The following ROR2 variants were observed in gnomAD, a reference collection of about 807,000 sequenced individuals.
ROR2 encodes ROR family WNT receptor 2.
In ROR2, 33 loss-of-function variants were observed where a neutral mutation model predicts 74.9. The observed-to-expected ratio is 0.44, with a 90% confidence interval of 0.33 to 0.59. The LOEUF (loss-of-function observed/expected upper bound fraction) is 0.59. Among genes scored for constraint, ROR2 ranks in the 20% least tolerant of loss-of-function variants. The probability of loss-of-function intolerance (pLI) is 0.02; values close to 1 mark genes in which losing one functional copy is unlikely to be tolerated. For missense variants in ROR2, 1,216 were observed against 1,313.8 expected (o/e 0.93, Z 1.15); for synonymous variants, 586 against 558.7 (o/e 1.05, Z -0.69).
intron 1 of ROR2, among the ~76,000 whole-genome samples, chr9:91,924,589 C>G (rs1831349877): frequency 6.6e-6 from 1 of 152,104 alleles, no homozygotes; most frequent in Admixed American, 6.5e-5. Context: ...GTCAGGAGAT[C>G]GAGACCATCC....
intron 1 of ROR2, among the ~76,000 whole-genome samples, chr9:91,881,486 A>C (rs1830109481): frequency 6.6e-6 from 1 of 152,230 alleles, no homozygotes; most frequent in Admixed American, 6.5e-5. Context: ...TTTGTTATAC[A>C]GTATGTCATT....
At position 91,868,712 on chromosome 9, in the gene ROR2, A is replaced by G. The variant is rs373825885; in HGVS notation, c.97+81155T>C. Among the ~76,000 whole-genome samples the G allele has an allele frequency of 1.3e-4, 20 of 152,356 alleles. No homozygotes were observed. The South Asian group carries it at 4.1e-3, about 32-fold the overall frequency. ...ACAGACAATCAACCCAGAATTCTATACCCAGTGAAAACATCACTAAGGGAT... is the reference window on the plus strand; with the variant it reads ...ACAGACAATCAACCCAGAATTCTATGCCCAGTGAAAACATCACTAAGGGAT... On this transcript the variant is annotated intron_variant, in intron 1 of 8. Transcript: ENST00000375708.
chr9:91,949,072 G>A (rs1005226461), intron 1 of ROR2, among the ~76,000 whole-genome samples: 24 of 151,728 alleles, frequency 1.6e-4, no homozygotes, highest in Non-Finnish European at 3.4e-4. Flanking sequence ...CCACCTAGGA[G>A]CCGGGCCCCG....
At chr9:91,772,468 C>A (rs774485857) in intron 2 of ROR2, among the ~76,000 whole-genome samples, 1 of 152,174 alleles carries the variant, frequency 6.6e-6, no homozygotes, top group Non-Finnish European at 1.5e-5. Flanking sequence ...AAGGGTGAAG[C>A]CACCATTTAT....
At chr9:91,938,440 A>G (rs751540490) in intron 1 of ROR2, among the ~76,000 whole-genome samples, 14 of 152,230 alleles carry the variant, frequency 9.2e-5, no homozygotes, top group Non-Finnish European at 1.8e-4. Flanking sequence ...CCTGGGTGAC[A>G]GAGTGACACT....
intron 4 of ROR2, among the ~76,000 whole-genome samples, chr9:91,752,270 A>G (rs930325854): frequency 2.0e-5 from 3 of 152,226 alleles, no homozygotes; most frequent in African/African-American, 4.8e-5. Flanking sequence ...ATGTCCACAA[A>G]AAGTATAGAG....
intron 2 of ROR2, among the ~76,000 whole-genome samples, chr9:91,770,458 A>T (rs1826193317): frequency 6.6e-6 from 1 of 152,082 alleles, no homozygotes; most frequent in Admixed American, 6.5e-5. Context: ...GAGCACACCC[A>T]CTCCAGGGAG....
intron 1 of ROR2, among the ~76,000 whole-genome samples, chr9:91,808,806 T>C (rs1010043148): frequency 2.6e-4 from 37 of 141,472 alleles, no homozygotes; most frequent in African/African-American, 9.0e-4. Context: ...AATATACATA[T>C]TTTTTTTTAC....
intron 1 of ROR2, among the ~76,000 whole-genome samples, chr9:91,799,850 G>A (rs1827314409): frequency 6.6e-6 from 1 of 152,166 alleles, no homozygotes. Flanking sequence ...AGGGGCCATG[G>A]CTCCCTTCTC....
chr9:91,729,607 T>A (rs1278032296), intron 7 of ROR2, among the ~76,000 whole-genome samples: 1 of 152,186 alleles, frequency 6.6e-6, no homozygotes, highest in African/African-American at 2.4e-5. Context: ...GAGCCCAGCC[T>A]CGCTTCACCG....
At chr9:91,753,216 T>C (rs183665727) in intron 4 of ROR2, among the ~76,000 whole-genome samples, 9 of 152,244 alleles carry the variant, frequency 5.9e-5, no homozygotes, top group South Asian at 2.1e-4. Flanking sequence ...AATTTCTATA[T>C]GATCAAGAAA....
At chr9:91,903,379 G>A (rs991616877) in intron 1 of ROR2, among the ~76,000 whole-genome samples, 39 of 152,000 alleles carry the variant, frequency 2.6e-4, no homozygotes, top group African/African-American at 9.2e-4. Context: ...TCTTCCCATC[G>A]GGCATCAACT....
chr9:91,846,201 C>T (rs78927206), intron 1 of ROR2, among the ~76,000 whole-genome samples: 2,239 of 152,354 alleles, frequency 0.015, 61 homozygotes, highest in African/African-American at 0.051. Flanking sequence ...GGATTACAGG[C>T]TTTGCCATGG....
chr9:91,762,543 C>A (rs1265911490), intron 2 of ROR2, among the ~76,000 whole-genome samples: 2 of 152,098 alleles, frequency 1.3e-5, no homozygotes, highest in Non-Finnish European at 2.9e-5. Flanking sequence ...TAACCATGAA[C>A]AAAACGTATA....
At chr9:91,943,788 T>C (rs1831941342) in intron 1 of ROR2, among the ~76,000 whole-genome samples, 1 of 152,228 alleles carries the variant, frequency 6.6e-6, no homozygotes, top group Admixed American at 6.5e-5. Flanking sequence ...TCAATTCTAG[T>C]TTCCTGCTAT....
chr9:91,932,199 A>C (rs879686029), intron 1 of ROR2, among the ~76,000 whole-genome samples: 2 of 152,168 alleles, frequency 1.3e-5, no homozygotes, highest in Non-Finnish European at 1.5e-5. Flanking sequence ...TACACACACA[A>C]AAAAAGATCA....
At chr9:91,798,230 G>A (rs935361864) in intron 1 of ROR2, among the ~76,000 whole-genome samples, 1 of 122,246 alleles carries the variant, frequency 8.2e-6, no homozygotes, top group African/African-American at 3.2e-5. Context: ...TGGGCTCTGT[G>A]GGTGGGGCTG....
At chr9:91,945,709 A>G (rs1288745956) in intron 1 of ROR2, among the ~76,000 whole-genome samples, 1 of 152,248 alleles carries the variant, frequency 6.6e-6, no homozygotes, top group African/African-American at 2.4e-5. Flanking sequence ...CAACCACACC[A>G]ATAAAATTCC....
chr9:91,813,693 G>A (rs900819255), intron 1 of ROR2, among the ~76,000 whole-genome samples: 1 of 152,150 alleles, frequency 6.6e-6, no homozygotes, highest in Non-Finnish European at 1.5e-5. Flanking sequence ...CATTTCCTCA[G>A]CTGCGCTTTG....
Sources: gnomAD v4.1 joint callset for allele counts (sites outside exome capture counted in the v4.1 genomes callset) on GRCh38, gnomAD v4.1.1 for gene constraint, MANE v1.5 for transcripts, NCBI Gene and HGNC (gene_info 2026-07-23, HGNC 2026-07-21) for gene names.